Variants in HBP1 observed in about 807,000 individuals in gnomAD.
HBP1 encodes the protein HMG box-containing protein 1.
In HBP1, 20 loss-of-function variants were observed where a neutral mutation model predicts 62.6. That is an observed-to-expected ratio of 0.32 (90% confidence interval 0.22 to 0.46). The LOEUF (loss-of-function observed/expected upper bound fraction) is 0.46, where lower values mean the gene tolerates loss of function less well. Among genes scored for constraint, HBP1 ranks in the 20% least tolerant of loss-of-function variants. The pLI is 1.00. For missense variants in HBP1, 480 were observed against 611.8 expected (o/e 0.78, Z 2.27); for synonymous variants, 232 against 206.2 (o/e 1.12, Z -1.07).
intron 6 of HBP1, among the ~76,000 whole-genome samples, chr7:107,186,908 G>A (rs1440044024): frequency 6.6e-6 from 1 of 152,042 alleles, no homozygotes; most frequent in Non-Finnish European, 1.5e-5. Context: ...TATATTTCTT[G>A]GTGCTTCTTC....
chr7:107,189,984 G>C, intron 7 of HBP1, 189 bp from the exon 8 acceptor site: 1 of 446,772 alleles, frequency 2.2e-6, no homozygotes, highest in Non-Finnish European at 3.9e-6. Context: ...TAGTTTTGGA[G>C]GGCTTTTACA....
At chr7:107,192,457 TAAA>T (rs1797698573) in intron 8 of HBP1, 1 of 152,140 alleles carries the variant, frequency 6.6e-6, no homozygotes, top group Non-Finnish European at 1.5e-5. Context: ...ATTTTCATAA[TAAA>T]ATTATTGAAA....
intron 1 of HBP1, among the ~76,000 whole-genome samples, chr7:107,178,318 T>C (rs1183721182): frequency 6.6e-6 from 1 of 152,166 alleles, no homozygotes; most frequent in Non-Finnish European, 1.5e-5. Context: ...GCTAGAACTT[T>C]TTTAAAAAAT....
chr7:107,175,756 G>A (rs1487276763), intron 1 of HBP1, among the ~76,000 whole-genome samples: 17 of 141,014 alleles, frequency 1.2e-4, no homozygotes, highest in African/African-American at 4.5e-4. Context: ...TTGCTCTGTC[G>A]CCCAGGCTGG....
At chr7:107,178,194 A>AGG (rs575069103) in intron 1 of HBP1, among the ~76,000 whole-genome samples, 1 of 151,930 alleles carries the variant, frequency 6.6e-6, no homozygotes, top group African/African-American at 2.4e-5. Context: ...TTTCTTTAAG[A>AGG]GGGGGGGTCT....
chr7:107,169,155 C>T lies in HBP1; in HGVS notation c.-46C>T. On this transcript the variant is annotated 5_prime_UTR_variant, in exon 1 of 11. Transcript: ENST00000222574. Reference sequence around the variant, plus strand: ...GTGGTGTTGTCGTGGCCGGAGCGGCCCGCGCCTGGGCTGCCGGCACTTCGC... The same window carrying T: ...GTGGTGTTGTCGTGGCCGGAGCGGCTCGCGCCTGGGCTGCCGGCACTTCGC... 8.5e-7 allele frequency: 1 copy of T among 1,173,678 alleles called. No individual in the cohort carries two copies. 72.7% of individuals were successfully genotyped at this position (1,173,678 alleles called of 1,614,324 possible).
chr7:107,193,573 T>C (rs1797753230), intron 8 of HBP1, among the ~76,000 whole-genome samples: 2 of 152,352 alleles, frequency 1.3e-5, no homozygotes, highest in South Asian at 4.1e-4. Context: ...ACAGGGTTTA[T>C]TTAACTTGCC....
chr7:107,192,760 C>T (rs1797715292), intron 8 of HBP1: 2 of 152,148 alleles, frequency 1.3e-5, no homozygotes, highest in African/African-American at 4.8e-5. Context: ...TCATTGGTCT[C>T]ATTTTACTGT....
At chr7:107,185,662 C>T (rs1442376243) in intron 3 of HBP1, 139 bp from the exon 4 acceptor site, 2 of 567,288 alleles carry the variant, frequency 3.5e-6, no homozygotes, top group Non-Finnish European at 6.2e-6. Flanking sequence ...AAAATGAAAT[C>T]TTGCTGTCTT....
chr7:107,178,406 G>A (rs1354832741), intron 1 of HBP1, among the ~76,000 whole-genome samples: 3 of 149,688 alleles, frequency 2.0e-5, no homozygotes, highest in Middle Eastern at 3.3e-3. Flanking sequence ...TAATTCGATC[G>A]TTGTCCAAAG....
intron 2 of HBP1, among the ~76,000 whole-genome samples, chr7:107,180,928 A>G (rs1797074610): frequency 6.6e-6 from 1 of 152,196 alleles, no homozygotes; most frequent in South Asian, 2.1e-4. Context: ...CGAGGGGAGT[A>G]TAAATAACAT....
rs768865652 is a variant in HBP1 at position 107,185,857 on chromosome 7, C to G, written c.455C>G (p.Pro152Arg). ...AAAAGTTTACATTCCTATGCACGCC[C>G]TCCACCAGTGTCCTCTTCTTCGAAG... The part of the protein sequence containing the change: ...TSKSLHSYAR[P>R]PPVSSSSKSE... The change falls in exon 4 of 11, where the codon CCT becomes CGT. Residue 152 changes from proline (P) to arginine (R), a missense_variant. Transcript: ENST00000222574. The G allele has an allele frequency of 6.2e-7, 1 of 1,612,546 alleles. No individual in the cohort carries two copies.
chr7:107,200,037 C>G (rs1314426541), intron 9 of HBP1, 123 bp from the exon 10 acceptor site: 31 of 719,872 alleles, frequency 4.3e-5, no homozygotes, highest in Non-Finnish European at 6.3e-5. Context: ...CTTTTCCCAT[C>G]TCTGTGATAG....
In HBP1 at chr7:107,194,287, C is replaced by T. The variant is rs186960927; in HGVS notation, c.1068-1547C>T. On this transcript the variant is annotated intron_variant, in intron 8 of 10. Coordinates refer to ENST00000222574, the MANE Select transcript of HBP1 (RefSeq NM_012257.4). ...TTTCAAATTTTAGTAATTAGCTTAC[C>T]CAGTATCTTTTAGTATTTTAAATTG... 7.2e-5 allele frequency among the ~76,000 whole-genome samples: 11 copies of T among 151,984 alleles called. No homozygotes were observed. The East Asian group carries it at 1.7e-3, about 24-fold the overall frequency.
At chr7:107,192,595 T>A (rs1167402530) in intron 8 of HBP1, 1 of 152,188 alleles carries the variant, frequency 6.6e-6, no homozygotes, top group Non-Finnish European at 1.5e-5. Flanking sequence ...GCTTCATAAC[T>A]TACAAATATA....
intron 9 of HBP1, among the ~76,000 whole-genome samples, chr7:107,199,031 A>T (rs1467783562): frequency 6.6e-6 from 1 of 152,116 alleles, no homozygotes; most frequent in Non-Finnish European, 1.5e-5. Context: ...GTAACCCAAG[A>T]CTAAAAGTTT....
At chr7:107,183,420 TTG>T (rs1797204019) in intron 3 of HBP1, among the ~76,000 whole-genome samples, 1 of 152,150 alleles carries the variant, frequency 6.6e-6, no homozygotes, top group Admixed American at 6.5e-5. Context: ...ACCCATTAAG[TTG>T]TGCTGCTTTT....
chr7:107,171,063 A>T (rs866370947), intron 1 of HBP1, among the ~76,000 whole-genome samples: 2,683 of 65,868 alleles, frequency 0.041, 157 homozygotes, highest in Non-Finnish European at 0.052. Context: ...ATATATATAT[A>T]TATATATATA....
Position 107,195,754 on chromosome 7 carries a change from T to C in HBP1, c.1068-80T>C, listed in dbSNP as rs891886521. ...AAATTTCCAATCAGATGTTTTCTTT[T>C]TTTTTTTTTTAACCTGCTTTTTAGA... On this transcript the variant is annotated intron_variant, in intron 8 of 10. Transcript: ENST00000222574. 3 of 682,782 alleles carry C rather than the reference T, an allele frequency of 4.4e-6. No homozygotes were observed. In the African/African-American group the frequency reaches 5.5e-5, roughly 13 times the overall value. 42.3% of individuals were successfully genotyped at this position (682,782 alleles called of 1,614,324 possible).
Sources: gnomAD v4.1 joint callset for allele counts (sites outside exome capture counted in the v4.1 genomes callset) on GRCh38, gnomAD v4.1.1 for gene constraint, MANE v1.5 for transcripts, NCBI Gene and HGNC (gene_info 2026-07-23, HGNC 2026-07-21) for gene names.